The following DLG5 variants were observed in gnomAD, a reference collection of about 807,000 sequenced individuals.
DLG5 encodes discs large MAGUK scaffold protein 5.
A neutral mutation model predicts 189.8 loss-of-function variants in DLG5; 48 were observed. The ratio of observed to expected loss-of-function variants is 0.25; its 90% CI spans 0.20 to 0.32. The LOEUF is 0.32. Among genes scored for constraint, DLG5 ranks in the 10% least tolerant of loss-of-function variants. The pLI, the probability that DLG5 is intolerant of heterozygous loss-of-function variation, is 1.00. For synonymous variants in DLG5, 1,016 were observed against 1,054.1 expected, an observed-to-expected ratio of 0.96 and a Z score of 0.70; for missense variants, 2,160 against 2,544.7, an observed-to-expected ratio of 0.85 and a Z score of 3.25.
chr10:77,829,062 A>G, intron 12 of DLG5, 77 bp from the exon 13 acceptor site: 1 of 1,458,338 alleles, frequency 6.9e-7, no homozygotes, highest in Non-Finnish European at 9.5e-7. Context: ...CATCTTTGTT[A>G]CCATCTTCTT....
chr10:77,854,177 G>A (rs777100699), intron 4 of DLG5, 50 bp downstream of exon 4: 2 of 1,599,528 alleles, frequency 1.3e-6, no homozygotes, highest in East Asian at 2.2e-5. Flanking sequence ...GAAGGGCAAA[G>A]GCAGCTGTCT....
chr10:77,801,505 G>T (rs1471950333), intron 27 of DLG5, among the ~76,000 whole-genome samples: 2 of 152,180 alleles, frequency 1.3e-5, no homozygotes, highest in East Asian at 3.8e-4. Flanking sequence ...GGAGAGGCAA[G>T]GTCAGCACAG....
chr10:77,870,825 G>A (rs1400718374), intron 1 of DLG5, among the ~76,000 whole-genome samples: 1 of 152,152 alleles, frequency 6.6e-6, no homozygotes, highest in African/African-American at 2.4e-5. Flanking sequence ...CACTGTAGGT[G>A]GGAGGCCCCT....
chr10:77,900,017 G>C (rs1845877342), intron 1 of DLG5, among the ~76,000 whole-genome samples: 1 of 152,210 alleles, frequency 6.6e-6, no homozygotes, highest in Admixed American at 6.5e-5. Flanking sequence ...AAAAGGAAGA[G>C]ATAAACACTT....
At chr10:77,870,839 G>C (rs987423907) in intron 1 of DLG5, among the ~76,000 whole-genome samples, 2 of 152,120 alleles carry the variant, frequency 1.3e-5, no homozygotes, top group Admixed American at 6.5e-5. Flanking sequence ...GGCCCCTGGG[G>C]GACAGGAGAG....
chr10:77,890,537 C>T (rs1253175235), intron 1 of DLG5, among the ~76,000 whole-genome samples: 1 of 152,172 alleles, frequency 6.6e-6, no homozygotes, highest in Non-Finnish European at 1.5e-5. Context: ...CACTTTACGG[C>T]CGGGCACGGT....
At chr10:77,823,595 A>G (rs879821075) in intron 14 of DLG5, among the ~76,000 whole-genome samples, 3 of 149,316 alleles carry the variant, frequency 2.0e-5, no homozygotes, top group Non-Finnish European at 3.0e-5. Context: ...CAAAGGCGTG[A>G]TCTCAGCTCA....
At chr10:77,867,488 G>A (rs925617241) in intron 2 of DLG5, among the ~76,000 whole-genome samples, 2 of 152,162 alleles carry the variant, frequency 1.3e-5, no homozygotes, top group African/African-American at 2.4e-5. Flanking sequence ...CCTGAAGGGT[G>A]AGTCCCACAT....
chr10:77,916,973 T>C, intron 1 of DLG5, among the ~76,000 whole-genome samples: 1 of 149,062 alleles, frequency 6.7e-6, no homozygotes, highest in East Asian at 2.0e-4. Context: ...TACTAAAATA[T>C]GGATGAACCT....
the DLG5 span, among the ~76,000 whole-genome samples, chr10:77,939,105 G>A: frequency 2.0e-5 from 3 of 152,154 alleles, no homozygotes; most frequent in South Asian, 2.1e-4. Context: ...ACTTGAACCC[G>A]GGAGGCAGAG....
chr10:77,934,938 A>G, the DLG5 span, among the ~76,000 whole-genome samples: 1 of 150,496 alleles, frequency 6.6e-6, no homozygotes, highest in Non-Finnish European at 1.5e-5. Flanking sequence ...GCTCACTGCA[A>G]GCTCCGCCTC....
chr10:77,843,722 T>C lies in DLG5; in HGVS notation c.865-16A>G. 3 of 1,613,896 alleles carry C rather than the reference T, an allele frequency of 1.9e-6. No homozygotes were observed. The African/African-American group carries it at 4.0e-5, about 22-fold the overall frequency. On this transcript the variant is annotated splice_polypyrimidine_tract_variant and intron_variant, in intron 5 of 31. Coordinates refer to ENST00000372391, the MANE Select transcript of DLG5 (RefSeq NM_004747.4). ...GCTTCAACACCTGGAGACCAGACAGTTTCACTTACCAAGGGTCTGTGGGAG... is the reference window on the plus strand; with the variant it reads ...GCTTCAACACCTGGAGACCAGACAGCTTCACTTACCAAGGGTCTGTGGGAG...
At chr10:77,820,834 A>C (rs1842308608) in intron 15 of DLG5, 2 of 517,174 alleles carry the variant, frequency 3.9e-6, no homozygotes, top group Non-Finnish European at 6.7e-6. Context: ...TTCTTATTAA[A>C]AAAGCAAACC....
chr10:77,920,148 T>C lies in DLG5; in HGVS notation c.304+6069A>G, dbSNP rs12267654. Among the ~76,000 whole-genome samples the C allele has an allele frequency of 5.2e-3, 787 of 152,320 alleles. 8 individuals carry two copies. Among genetic ancestry groups the C allele is most frequent in the African/African-American group, 0.018 (748 of 41,576 alleles). ...AGAAACACCAGGAGATTCCCAGTTT[T>C]CTGGTTCTAAGGCTAGTTGCTGTCT... On this transcript the variant is annotated intron_variant, in intron 1 of 31. Transcript: ENST00000372391.
chr10:77,828,165 A>C (rs1842731250), intron 13 of DLG5, among the ~76,000 whole-genome samples: 1 of 152,180 alleles, frequency 6.6e-6, no homozygotes, highest in Non-Finnish European at 1.5e-5. Flanking sequence ...CATTCATGAG[A>C]ATGTTAAATG....
At chr10:77,877,561 G>A (rs533526444) in intron 1 of DLG5, among the ~76,000 whole-genome samples, 1 of 152,190 alleles carries the variant, frequency 6.6e-6, no homozygotes, top group East Asian at 1.9e-4. Flanking sequence ...TTGGGGATGG[G>A]AGCAGGGAGG....
chr10:77,893,927 C>T (rs1420131363), intron 1 of DLG5, among the ~76,000 whole-genome samples: 2 of 152,192 alleles, frequency 1.3e-5, no homozygotes, highest in African/African-American at 4.8e-5. Flanking sequence ...GCGCGTGGCC[C>T]GCATGGGGCC....
In DLG5 at chr10:77,863,669, G is replaced by A. The variant is rs182129312; in HGVS notation, c.373+5460C>T. On this transcript the variant is annotated intron_variant, in intron 2 of 31. Coordinates refer to ENST00000372391, the MANE Select transcript of DLG5 (RefSeq NM_004747.4). ...CAAATGCAAAGCTGTCAACTCTCCCGTGACCTCAGGCTTTCCTTACCCAAG... is the reference window on the plus strand; with the variant it reads ...CAAATGCAAAGCTGTCAACTCTCCCATGACCTCAGGCTTTCCTTACCCAAG... Among the ~76,000 whole-genome samples the A allele has an allele frequency of 3.2e-4, 49 of 152,290 alleles. No homozygotes were observed. The South Asian group carries it at 3.5e-3, about 11-fold the overall frequency.
At position 77,805,658 on chromosome 10, in the gene DLG5, C is replaced by A. The variant is rs1382636003; in HGVS notation, c.5164+7G>T. 6.2e-7 allele frequency: 1 copy of A among 1,600,476 alleles called. No homozygotes were observed. The highest frequency in any genetic ancestry group is 8.5e-7 in the Non-Finnish European group (1 of 1,169,716). ...GAGCCCACTGGAAAATGAGCTCAGC[C>A]ACTTGCCTTCAAAGAGTGGAATGGA... On this transcript the variant is annotated splice_region_variant and intron_variant, in intron 27 of 31. Transcript: ENST00000372391.
Sources: allele counts gnomAD v4.1 joint callset (sites outside exome capture counted in the v4.1 genomes callset), GRCh38; gene constraint gnomAD v4.1.1; transcripts MANE v1.5; gene names NCBI Gene and HGNC (gene_info 2026-07-23, HGNC 2026-07-21).